Variants in GCM2 observed in about 807,000 individuals in gnomAD.
GCM2 encodes chorion-specific transcription factor GCMb.
In GCM2, 21 loss-of-function variants were observed where a neutral mutation model predicts 24.8. That is an observed-to-expected ratio of 0.85 (90% CI 0.60 to 1.22). GCM2 has a LOEUF of 1.22. Ranked by LOEUF, GCM2 falls within the 50% of genes most tolerant of loss-of-function variation. The probability of loss-of-function intolerance (pLI) is 0.00; values close to 1 mark genes in which losing one functional copy is unlikely to be tolerated. For synonymous variants in GCM2, 222 were observed against 238.0 expected, an observed-to-expected ratio of 0.93 and a Z score of 0.62; for missense variants, 532 against 645.6, an observed-to-expected ratio of 0.82 and a Z score of 1.91.
intron 1 of GCM2, among the ~76,000 whole-genome samples, chr6:10,878,373 TA>T (rs1779911878): frequency 6.6e-6 from 1 of 152,046 alleles, no homozygotes; most frequent in Non-Finnish European, 1.5e-5. Context: ...GGCTGGAGTG[TA>T]GTAGCATGAT....
chr6:10,875,489 C>T (rs1779864856), intron 4 of GCM2, among the ~76,000 whole-genome samples: 1 of 152,174 alleles, frequency 6.6e-6, no homozygotes, highest in Admixed American at 6.5e-5. Context: ...GGTTGAAAAG[C>T]CAAACTGAAT....
intron 1 of GCM2, among the ~76,000 whole-genome samples, chr6:10,879,448 C>T (rs1332384560): frequency 1.3e-5 from 2 of 152,156 alleles, no homozygotes; most frequent in South Asian, 2.1e-4. Flanking sequence ...GTTTCACTTG[C>T]TCTCAAGTGT....
intron 2 of GCM2, among the ~76,000 whole-genome samples, chr6:10,876,801 C>T (rs1250513480): frequency 2.6e-5 from 4 of 151,762 alleles, no homozygotes; most frequent in African/African-American, 7.3e-5. Flanking sequence ...TGGTGGCTCA[C>T]GCCTCTAATC....
chr6:10,881,918 C>CAG lies in GCM2; in HGVS notation c.-127_-126dup, dbSNP rs144205293. 1.2e-5 allele frequency: 9 copies of CAG among 745,982 alleles called. No homozygotes were observed. The highest frequency in any genetic ancestry group is 2.1e-5 in the Non-Finnish European group (9 of 428,406). The allele number at this position is 745,982 out of a possible 1,614,324, so 46.2% of individuals were successfully genotyped here. ...AAGTGGGGTGTGTGAAGGGGAGGTG[C>CAG]AGAGAGAGAGAAAGAGAGAGAGGCT... On this transcript the variant is annotated 5_prime_UTR_variant, in exon 1 of 5. Transcript: ENST00000379491.
chr6:10,877,261 G>A lies in GCM2; in HGVS notation c.222C>T (p.Gly74=), dbSNP rs778465042. 146 of 1,614,108 alleles carry A rather than the reference G, an allele frequency of 9.0e-5. 2 individuals carry two copies. The highest frequency in any genetic ancestry group is 5.0e-4 in the South Asian group (46 of 91,094). The change falls in exon 2 of 5, where the codon GGC becomes GGT. Residue 74 remains glycine (G), a synonymous_variant. Transcript: ENST00000379491. The part of the protein sequence containing the change: ...WAMRNTNNHN[G]HILKKSCLGV... The stretch of plus-strand genomic sequence containing the variant: ...CCAGGCACGACTTCTTGAGGATGTG[G>A]CCATTGTGGTTGTTGGTGTTGCGCA...
At chr6:10,878,823 T>C (rs1375635643) in intron 1 of GCM2, among the ~76,000 whole-genome samples, 2 of 152,184 alleles carry the variant, frequency 1.3e-5, no homozygotes, top group Admixed American at 6.5e-5. Context: ...CACAGTGGCA[T>C]AGCTGGAATA....
intron 1 of GCM2, 88 bp downstream of exon 1, chr6:10,881,616 T>G: frequency 1.6e-6 from 1 of 617,480 alleles, no homozygotes; most frequent in Non-Finnish European, 2.9e-6. Flanking sequence ...GTATGGTCCG[T>G]CCGCAGACTC....
At position 10,881,802 on chromosome 6, in the gene GCM2, C is replaced by G. The variant is rs773917915; in HGVS notation, c.-9G>C. 1 of 1,604,882 alleles carries G rather than the reference C, an allele frequency of 6.2e-7. No individual in the cohort carries two copies. Among genetic ancestry groups the G allele is most frequent in the Non-Finnish European group, 8.5e-7 (1 of 1,178,872 alleles). ...ACCGCGGCCGCCGGCATCTGCCCAA[C>G]TCGCTCGCGCTTTCCGCCCAGGGTT... On this transcript the variant is annotated 5_prime_UTR_variant, in exon 1 of 5. Transcript: ENST00000379491.
chr6:10,876,963 TG>T (rs1174773189), intron 2 of GCM2, among the ~76,000 whole-genome samples, 176 bp downstream of exon 2: 2 of 152,216 alleles, frequency 1.3e-5, no homozygotes, highest in Non-Finnish European at 1.5e-5. Context: ...CTTGGGAGGC[TG>T]AGGCAGGAGG....
At chr6:10,878,402 T>A (rs1779912299) in intron 1 of GCM2, among the ~76,000 whole-genome samples, 1 of 152,144 alleles carries the variant, frequency 6.6e-6, no homozygotes, top group African/African-American at 2.4e-5. Flanking sequence ...CACTGCAACC[T>A]CCGCCTCCCA....
At position 10,876,566 on chromosome 6, in the gene GCM2, C is replaced by G; in HGVS notation, c.344-9G>C. ...GTTAGGGCATGCCTTCTCTGCAAAG[C>G]CCAGAAGGGAGAAATATTAACCCTG... On this transcript the variant is annotated splice_polypyrimidine_tract_variant and intron_variant, in intron 2 of 4. Transcript: ENST00000379491. 6.4e-7 allele frequency: 1 copy of G among 1,551,348 alleles called. No homozygotes were observed. The highest frequency in any genetic ancestry group is 8.9e-7 in the Non-Finnish European group (1 of 1,122,844).
At chr6:10,879,465 GTTGTGTGTGTGTGTA>G (rs2113253031) in intron 1 of GCM2, among the ~76,000 whole-genome samples, 1 of 152,284 alleles carries the variant, frequency 6.6e-6, no homozygotes, top group Non-Finnish European at 1.5e-5. Context: ...GTGTTGGCAT[GTTGTGTGTGTGTGTA>G]CATACACACA....
chr6:10,876,695 C>T (rs1425212108), intron 2 of GCM2, 138 bp from the exon 3 acceptor site: 12 of 691,800 alleles, frequency 1.7e-5, no homozygotes, highest in South Asian at 4.5e-5. Flanking sequence ...TTTGGGAGGC[C>T]GAGGCGGGTG....
chr6:10,874,535 G>C lies in GCM2; in HGVS notation c.981C>G (p.Thr327=). 1 of 1,614,182 alleles carries C rather than the reference G, an allele frequency of 6.2e-7. No individual in the cohort carries two copies. Among genetic ancestry groups the C allele is most frequent in the South Asian group, 1.1e-5 (1 of 91,074 alleles). The change falls in exon 5 of 5, where the codon ACC becomes ACG. Residue 327 remains threonine (T), a synonymous_variant. Transcript: ENST00000379491. ...CTGGTTTCCAGCCATGCTGTTTGTT[G>C]GTGAAATCAAAGCTTCTCTCATAGC... The part of the protein sequence containing the change: ...YSSYERSFDF[T]NKQHGWKPAL...
chr6:10,881,603 TGTGTA>T, intron 1 of GCM2, 96 bp downstream of exon 1: 7 of 566,076 alleles, frequency 1.2e-5, no homozygotes, highest in African/African-American at 2.2e-5. Context: ...TGTGTGTGTG[TGTGTA>T]TGGTCCGTCC....
chr6:10,881,587 TG>T (rs1402480407), intron 1 of GCM2, 116 bp downstream of exon 1: 7,295 of 689,256 alleles, frequency 0.011, 69 homozygotes, highest in Middle Eastern at 0.022. Context: ...TGTGTGTGTG[TG>T]TGTGTGTGTG....
Position 10,881,556 on chromosome 6 carries a change from GTGTGTGTGTGTGT to G in GCM2, c.90+135_90+147del, listed in dbSNP as rs1779958689. On this transcript the variant is annotated intron_variant, in intron 1 of 4. Transcript: ENST00000379491. The stretch of plus-strand genomic sequence containing the variant: ...AGAAACCCAGAAATTTTGCGGGTAT[GTGTGTGTGTGTGT>G]GTGTGTGTGTGTGTGTGTGTGTGTG... 9.1e-4 allele frequency: 6 copies of G among 6,598 alleles called. 2 individuals carry two copies. The East Asian group carries it at 0.039, about 43-fold the overall frequency. The allele number at this position is 6,598 out of a possible 1,614,324, so 0.4% of individuals were successfully genotyped here.
chr6:10,879,173 C>A (rs1403025224), intron 1 of GCM2, among the ~76,000 whole-genome samples: 1 of 152,120 alleles, frequency 6.6e-6, no homozygotes, highest in East Asian at 1.9e-4. Flanking sequence ...AGGTAAGTCA[C>A]AAATGAAATA....
In GCM2 at chr6:10,873,676, T is replaced by G; in HGVS notation, c.*319A>C. On this transcript the variant is annotated 3_prime_UTR_variant, in exon 5 of 5. Coordinates refer to ENST00000379491, the MANE Select transcript of GCM2 (RefSeq NM_004752.4). ...AGAATAAGAACCAGAATCCTTGACT[T>G]CTACTCCTGCTAATAAGCTAAGTGA... 2.6e-6 allele frequency: 1 copy of G among 381,162 alleles called. No individual in the cohort carries two copies. Among genetic ancestry groups the G allele is most frequent in the South Asian group, 2.3e-5 (1 of 42,794 alleles). 23.6% of individuals were successfully genotyped at this position (381,162 alleles called of 1,614,324 possible). A position where few individuals can be genotyped will look rare whatever the true frequency, so the allele number is the denominator to read the frequency against.
Sources: allele counts gnomAD v4.1 joint callset (sites outside exome capture counted in the v4.1 genomes callset), GRCh38; gene constraint gnomAD v4.1.1; transcripts MANE v1.5; gene names NCBI Gene and HGNC (gene_info 2026-07-23, HGNC 2026-07-21).